The following NAV1 variants were observed in gnomAD, a reference collection of about 807,000 sequenced individuals.
NAV1 encodes the protein neuron navigator 1, also known as pore membrane and/or filament interacting like protein 3.
Under a neutral mutation model 175.2 loss-of-function variants are expected in NAV1, and 18 were observed. The observed-to-expected ratio is 0.10, with a 90% CI of 0.07 to 0.15. The LOEUF is 0.15. Ranked by LOEUF, NAV1 falls within the 10% of genes least tolerant of loss-of-function variation. The pLI, the probability that NAV1 is intolerant of heterozygous loss-of-function variation, is 1.00. For missense variants in NAV1, 1,731 were observed against 2,436.6 expected (o/e 0.71, Z 6.10); for synonymous variants, 897 against 978.7 (o/e 0.92, Z 1.56).
In NAV1 at chr1:201,812,576, G is replaced by A. The variant is rs1193394104; in HGVS notation, c.5136G>A (p.Leu1712=). 4 of 1,614,226 alleles carry A rather than the reference G, an allele frequency of 2.5e-6. No individual in the cohort carries two copies. In the East Asian group the frequency reaches 8.9e-5, roughly 36 times the overall value. Residue 1712 remains leucine (L), a synonymous_variant, in exon 27 of 30, where the codon CTG becomes CTA. Transcript: ENST00000367296. The surrounding 1 kb of genome is among the most constrained non-coding windows in gnomAD (Gnocchi z 4.6). ...ACATCAATGCCAACAAGGAAGAGCTGCTTCGGGTGCTCGACTGGGTACCCA... is the reference window on the plus strand; with the variant it reads ...ACATCAATGCCAACAAGGAAGAGCTACTTCGGGTGCTCGACTGGGTACCCA...
chr1:201,559,530 A>G (rs1269430260), intron 1 of NAV1, among the ~76,000 whole-genome samples: 1 of 152,150 alleles, frequency 6.6e-6, no homozygotes, highest in Non-Finnish European at 1.5e-5. Flanking sequence ...TCGAGGTGCC[A>G]TGCATGTGGG....
chr1:201,713,507 C>T (rs1019834568), intron 2 of NAV1, among the ~76,000 whole-genome samples: 2 of 152,210 alleles, frequency 1.3e-5, no homozygotes, highest in African/African-American at 4.8e-5. Context: ...TAGCCTCCAG[C>T]TGCATGGGGC....
At position 201,610,302 on chromosome 1, in the gene NAV1, G is replaced by A. The variant is rs115545141; in HGVS notation, c.-32-12551G>A. On this transcript the variant is annotated intron_variant, in intron 2 of 33. Transcript: ENST00000685211. ...AGTCATTCACGTGGACCAAATCAGC[G>A]AAAGATGTCAATATGCTGAAACAGC... is the stretch of plus-strand genomic sequence containing the variant. 8.4e-3 allele frequency among the ~76,000 whole-genome samples: 1,277 copies of A among 152,342 alleles called. 31 individuals carry two copies. Among genetic ancestry groups the A allele is most frequent in the African/African-American group, 0.029 (1,209 of 41,574 alleles).
intron 1 of NAV1, among the ~76,000 whole-genome samples, chr1:201,568,584 C>T (rs950453987): frequency 2.3e-4 from 35 of 152,126 alleles, no homozygotes; most frequent in Admixed American, 2.0e-3. Context: ...AGTTTGATAC[C>T]GACTGTGGCA....
intron 3 of NAV1, among the ~76,000 whole-genome samples, chr1:201,742,658 G>A (rs1284639646): frequency 2.0e-5 from 3 of 152,124 alleles, no homozygotes; most frequent in African/African-American, 7.2e-5. Context: ...GGGATCAGTG[G>A]GAACAAGACT....
chr1:201,696,573 C>G (rs1422860848), intron 1 of NAV1, among the ~76,000 whole-genome samples: 3 of 152,210 alleles, frequency 2.0e-5, no homozygotes. Flanking sequence ...GCCCATGACT[C>G]CCTGTCTTCT....
intron 1 of NAV1, among the ~76,000 whole-genome samples, chr1:201,704,643 A>G (rs969828506): frequency 1.3e-5 from 2 of 152,228 alleles, no homozygotes; most frequent in East Asian, 1.9e-4. Context: ...GTGGTATGCA[A>G]TGAGATGTAA....
upstream of NAV1, chr1:201,648,152 T>C (rs575136418): frequency 3.2e-3 from 2,367 of 748,274 alleles, 6 homozygotes; most frequent in Non-Finnish European, 3.7e-3. Flanking sequence ...GCCTTCCCCT[T>C]CCCTCCTTCC....
chr1:201,623,866 CTCA>C (rs1668248376), intron 1 of NAV1, among the ~76,000 whole-genome samples: 1 of 152,168 alleles, frequency 6.6e-6, no homozygotes, highest in Non-Finnish European at 1.5e-5. Flanking sequence ...CAAAAAGAGT[CTCA>C]TAAGGAGGGT....
At chr1:201,725,310 T>A (rs1293702282) in intron 3 of NAV1, among the ~76,000 whole-genome samples, 1 of 152,210 alleles carries the variant, frequency 6.6e-6, no homozygotes, top group African/African-American at 2.4e-5. Context: ...GAATCCCGCC[T>A]AGCGGGACAG....
chr1:201,749,437 C>T (rs891201973), intron 3 of NAV1, among the ~76,000 whole-genome samples: 1 of 152,208 alleles, frequency 6.6e-6, no homozygotes, highest in Non-Finnish European at 1.5e-5. Flanking sequence ...ACAACCCTTG[C>T]ACCAACTTGC....
In NAV1 at chr1:201,811,541, T is replaced by C; in HGVS notation, c.4798-62T>C. Reference sequence around the variant, plus strand: ...TAGTAAGACTTCTTCAAAATCCTGATTTCCAAGGCCGATCCAGCTGCTTAT... The same window carrying C: ...TAGTAAGACTTCTTCAAAATCCTGACTTCCAAGGCCGATCCAGCTGCTTAT... On this transcript the variant is annotated intron_variant, in intron 24 of 29. Coordinates refer to ENST00000367296, the Ensembl canonical transcript of NAV1. 2.5e-6 allele frequency: 4 copies of C among 1,603,646 alleles called. 1 individual carries two copies. In the South Asian group the frequency reaches 4.4e-5, roughly 18 times the overall value.
At chr1:201,637,677 G>A (rs1668646977) in intron 2 of NAV1, among the ~76,000 whole-genome samples, 1 of 152,144 alleles carries the variant, frequency 6.6e-6, no homozygotes, top group African/African-American at 2.4e-5. Context: ...TGCCCATCCC[G>A]AAGGACACAT....
chr1:201,712,928 G>C lies in NAV1; in HGVS notation c.860+9G>C, dbSNP rs566384736. 3 of 1,596,418 alleles carry C rather than the reference G, an allele frequency of 1.9e-6. No individual in the cohort carries two copies. The highest frequency in any genetic ancestry group is 1.3e-5 in the African/African-American group (1 of 74,654). ...TCCCAGGTGACTCACAGGTAAGCTCGAGCTGCAGAGAGGGTCATGCCCTCT... is the reference window on the plus strand; with the variant it reads ...TCCCAGGTGACTCACAGGTAAGCTCCAGCTGCAGAGAGGGTCATGCCCTCT... On this transcript the variant is annotated intron_variant, in intron 2 of 29. Transcript: ENST00000367296.
chr1:201,544,761 T>C (rs564366658), intron 1 of NAV1, among the ~76,000 whole-genome samples: 4 of 152,204 alleles, frequency 2.6e-5, no homozygotes, highest in African/African-American at 7.2e-5. Flanking sequence ...GCCTACAGAG[T>C]GTCAGCCTTT....
chr1:201,667,614 C>T (rs1669878432), intron 1 of NAV1, among the ~76,000 whole-genome samples: 1 of 152,212 alleles, frequency 6.6e-6, no homozygotes, highest in Non-Finnish European at 1.5e-5. Flanking sequence ...GGAGGATGCG[C>T]TGCCTATCAC....
Position 201,788,548 on chromosome 1 carries a change from A to C in NAV1, c.3076A>C (p.Ser1026Arg), listed in dbSNP as rs1236028825. Residue 1026 changes from serine (S) to arginine (R), a missense_variant, in exon 10 of 30, where the codon AGC becomes CGC. Physicochemically the swap from Ser to Arg is moderately radical, Grantham distance 110 (BLOSUM62 -1). Coordinates refer to ENST00000367296, the Ensembl canonical transcript of NAV1. This position sits in a 1 kb window ranked among gnomAD's most constrained non-coding sequence, Gnocchi z 5.7. The stretch of plus-strand genomic sequence containing the variant: ...CCACGAGGCGGCCTTCGAGCTGTAC[A>C]GCGGCTCCCAAATGGGGAGCACCCT... 6.2e-7 allele frequency: 1 copy of C among 1,614,022 alleles called. No homozygotes were observed. Among genetic ancestry groups the C allele is most frequent in the African/African-American group, 1.3e-5 (1 of 74,914 alleles).
chr1:201,756,490 A>G (rs993073500), intron 3 of NAV1, among the ~76,000 whole-genome samples: 1 of 152,156 alleles, frequency 6.6e-6, no homozygotes, highest in Non-Finnish European at 1.5e-5. Context: ...AGGGCCCTCT[A>G]CATTTTATAA....
At chr1:201,552,393 G>A (rs1665880924) in intron 1 of NAV1, among the ~76,000 whole-genome samples, 2 of 152,098 alleles carry the variant, frequency 1.3e-5, no homozygotes, top group Admixed American at 6.5e-5. Flanking sequence ...GTGGGTAAAG[G>A]GAATGTCCTT....
Sources: allele counts gnomAD v4.1 joint callset (sites outside exome capture counted in the v4.1 genomes callset), GRCh38; gene constraint gnomAD v4.1.1; non-coding constraint Gnocchi (gnomAD v3.1); transcripts MANE v1.5; gene names NCBI Gene and HGNC (gene_info 2026-07-23, HGNC 2026-07-21).